Variants in LMO4 observed in about 807,000 individuals in gnomAD.
The protein encoded by LMO4 is LIM domain transcription factor LMO4.
In LMO4, 3 loss-of-function variants were observed where a neutral mutation model predicts 18.5. That is an observed-to-expected ratio of 0.16 (90% CI 0.07 to 0.42). The LOEUF (loss-of-function observed/expected upper bound fraction) is 0.42. LMO4 is among the 10% of genes least tolerant of loss of function. The probability of loss-of-function intolerance (pLI) is 0.99; values close to 1 mark genes in which losing one functional copy is unlikely to be tolerated. For synonymous variants in LMO4, 100 were observed against 88.1 expected (o/e 1.14, Z -0.76); for missense variants, 121 against 219.9 (o/e 0.55, Z 2.84).
chr1:87,332,087 A>C lies in LMO4; in HGVS notation c.72A>C (p.Ala24=), dbSNP rs1215158456. ...GCTCCCTCTCCTGGAAGCGGTGCGC[A>C]GGCTGCGGGGGCAAGATTGCGGACC... ...TAGSLSWKRC[A]GCGGKIADRF... is the part of the protein sequence containing the mutation. The change falls in exon 2 of 5, where the codon GCA becomes GCC. Residue 24 remains alanine, a synonymous_variant. Coordinates refer to ENST00000370544, the MANE Select transcript of LMO4 (RefSeq NM_006769.4). The C allele has an allele frequency of 6.2e-7, 1 of 1,613,736 alleles. No homozygotes were observed. The highest frequency in any genetic ancestry group is 8.5e-7 in the Non-Finnish European group (1 of 1,180,006).
At chr1:87,335,928 A>T (rs1205814541) in intron 2 of LMO4, among the ~76,000 whole-genome samples, 1 of 150,992 alleles carries the variant, frequency 6.6e-6, no homozygotes, top group Admixed American at 6.6e-5. Flanking sequence ...ATTTAGGGGG[A>T]ACGTTTATCT....
intron 2 of LMO4, among the ~76,000 whole-genome samples, chr1:87,333,683 G>C (rs1324152339): frequency 2.6e-5 from 4 of 152,128 alleles, no homozygotes; most frequent in African/African-American, 7.2e-5. Context: ...GGAAGGGAGA[G>C]GGCTTTTATT....
In LMO4 at chr1:87,347,684, T is replaced by G. The variant is rs1048033403; in HGVS notation, c.*2888T>G. 2.0e-5 allele frequency: 3 copies of G among 152,206 alleles called. No individual in the cohort carries two copies. Among genetic ancestry groups the G allele is most frequent in the African/African-American group, 7.2e-5 (3 of 41,440 alleles). The allele number at this position is 152,206 out of a possible 1,614,324, so 9.4% of individuals were successfully genotyped here. ...TAAAAAAAATTATGTTTATGGTACA[T>G]ATAAATGTCTCAATCATGCAAATTG... is the stretch of plus-strand genomic sequence containing the variant. On this transcript the variant is annotated 3_prime_UTR_variant, in exon 5 of 5. Transcript: ENST00000370544.
At chr1:87,330,353 C>T (rs1446735389) in intron 1 of LMO4, among the ~76,000 whole-genome samples, 1 of 152,074 alleles carries the variant, frequency 6.6e-6, no homozygotes, top group Non-Finnish European at 1.5e-5. Context: ...AATGCAGATT[C>T]ATTTGGGTTA....
chr1:87,334,008 G>A (rs941218326), intron 2 of LMO4, among the ~76,000 whole-genome samples: 22 of 152,054 alleles, frequency 1.4e-4, no homozygotes, highest in African/African-American at 5.3e-4. Flanking sequence ...AAAAGAAGAT[G>A]GGTCCGCTTG....
At chr1:87,342,344 GGGA>G (rs1650521139) in intron 4 of LMO4, among the ~76,000 whole-genome samples, 1 of 152,176 alleles carries the variant, frequency 6.6e-6, no homozygotes, top group South Asian at 2.1e-4. Context: ...AGAGGTGTTA[GGGA>G]GGAGAACTGC....
intron 2 of LMO4, among the ~76,000 whole-genome samples, chr1:87,339,007 A>G (rs1433873419): frequency 6.6e-6 from 1 of 152,220 alleles, no homozygotes; most frequent in African/African-American, 2.4e-5. Flanking sequence ...CATACACATT[A>G]TATATCAACC....
chr1:87,340,017 GT>G (rs1262101195), intron 3 of LMO4, 29 bp from the exon 4 acceptor site: 2 of 1,604,520 alleles, frequency 1.2e-6, no homozygotes, highest in East Asian at 2.2e-5. Flanking sequence ...TTTTTACCTT[GT>G]TTTCAGTGGG....
chr1:87,332,284 G>A, intron 2 of LMO4, 33 bp downstream of exon 2: 2 of 1,552,102 alleles, frequency 1.3e-6, no homozygotes, highest in South Asian at 2.2e-5. Context: ...GGAGATGGGG[G>A]GAAGAGCAAT....
intron 1 of LMO4, chr1:87,331,410 C>T (rs1174701744): frequency 6.6e-6 from 1 of 152,574 alleles, no homozygotes; most frequent in African/African-American, 2.4e-5. Context: ...TCTCCGTCTC[C>T]CGTCTGCCGG....
chr1:87,339,810 T>TACAGA (rs1650421423), intron 3 of LMO4, among the ~76,000 whole-genome samples, 178 bp downstream of exon 3: 3 of 152,132 alleles, frequency 2.0e-5, no homozygotes, highest in Non-Finnish European at 4.4e-5. Context: ...AGACCACGCT[T>TACAGA]CCCCTATGCC....
rs1201105130 is a variant in LMO4, at chr1:87,348,271, C to T, written c.*3475C>T. 1.2e-5 allele frequency: 2 copies of T among 166,676 alleles called. No individual in the cohort carries two copies. Among genetic ancestry groups the T allele is most frequent in the African/African-American group, 4.8e-5 (2 of 41,966 alleles). The allele number at this position is 166,676 out of a possible 1,614,324, so 10.3% of individuals were successfully genotyped here. A position where few individuals can be genotyped will look rare whatever the true frequency, so the allele number is the denominator to read the frequency against. ...TCACCCTTCACCCCAAAGACCCCTTCACCCTTCACCAGGGAATTCTATCCT... is the reference window on the plus strand; with the variant it reads ...TCACCCTTCACCCCAAAGACCCCTTTACCCTTCACCAGGGAATTCTATCCT... On this transcript the variant is annotated 3_prime_UTR_variant, in exon 5 of 5. Coordinates refer to ENST00000370544, the MANE Select transcript of LMO4 (RefSeq NM_006769.4).
chr1:87,331,906 C>A, intron 1 of LMO4, 107 bp from the exon 2 acceptor site: 2 of 912,824 alleles, frequency 2.2e-6, no homozygotes, highest in Non-Finnish European at 3.4e-6. Context: ...CTTCCAGCAG[C>A]TCCGCGGGGA....
intron 2 of LMO4, among the ~76,000 whole-genome samples, chr1:87,338,018 A>G (rs1650360810): frequency 6.6e-6 from 1 of 152,216 alleles, no homozygotes; most frequent in Admixed American, 6.5e-5. Flanking sequence ...TGAACTCTTC[A>G]AATCGATGCT....
Position 87,348,796 on chromosome 1 carries a change from T to A in LMO4, c.*4000T>A. On this transcript the variant is annotated 3_prime_UTR_variant, in exon 5 of 5. Coordinates refer to ENST00000370544, the MANE Select transcript of LMO4 (RefSeq NM_006769.4). ...GTTTTCAAGTTCAGATTGATTCTGC[T>A]GAGAATGGACGGCAACTCGGAGGCC... The A allele has an allele frequency of 2.0e-6, 1 of 508,336 alleles. No individual in the cohort carries two copies. Among genetic ancestry groups the A allele is most frequent in the Non-Finnish European group, 3.9e-6 (1 of 254,730 alleles). The allele number at this position is 508,336 out of a possible 1,614,324, so 31.5% of individuals were successfully genotyped here.
chr1:87,339,667 A>G, intron 3 of LMO4, 35 bp downstream of exon 3: 2 of 1,389,046 alleles, frequency 1.4e-6, no homozygotes, highest in Non-Finnish European at 2.0e-6. Context: ...TTTTAAAAAA[A>G]AAATCATACC....
Position 87,347,360 on chromosome 1 carries a change from GA to G in LMO4, c.*2565del, listed in dbSNP as rs1312859832. 1 of 152,114 alleles carries G rather than the reference GA, an allele frequency of 6.6e-6. No homozygotes were observed. The highest frequency in any genetic ancestry group is 2.4e-5 in the African/African-American group (1 of 41,412). The allele number at this position is 152,114 out of a possible 1,614,324, so 9.4% of individuals were successfully genotyped here. ...AACAATAAAACCCGGCTCTAATGGGGATGCTCTGTGTGGATAGAAAGCTACT... is the reference window on the plus strand; with the variant it reads ...AACAATAAAACCCGGCTCTAATGGGGTGCTCTGTGTGGATAGAAAGCTACT... On this transcript the variant is annotated 3_prime_UTR_variant, in exon 5 of 5. Coordinates refer to ENST00000370544, the MANE Select transcript of LMO4 (RefSeq NM_006769.4).
At chr1:87,334,757 C>G (rs1650249505) in intron 2 of LMO4, among the ~76,000 whole-genome samples, 1 of 152,178 alleles carries the variant, frequency 6.6e-6, no homozygotes, top group East Asian at 1.9e-4. Flanking sequence ...AGTCCCCTCC[C>G]CCTCCGCGGC....
At chr1:87,329,938 T>C (rs1194820246) in intron 1 of LMO4, among the ~76,000 whole-genome samples, 2 of 151,944 alleles carry the variant, frequency 1.3e-5, no homozygotes, top group Admixed American at 6.6e-5. Flanking sequence ...TCACTGACTA[T>C]CCCAGGACCT....
Sources: allele counts gnomAD v4.1 joint callset (sites outside exome capture counted in the v4.1 genomes callset), GRCh38; gene constraint gnomAD v4.1.1; transcripts MANE v1.5; gene names NCBI Gene and HGNC (gene_info 2026-07-23, HGNC 2026-07-21).